Variants in MARCHF5 observed in about 807,000 individuals in gnomAD.
MARCHF5 encodes membrane associated ring-CH-type finger 5.
Under a neutral mutation model 36.5 loss-of-function variants are expected in MARCHF5, and 5 were observed. The observed-to-expected ratio is 0.14, with a 90% CI of 0.07 to 0.29. The LOEUF is 0.29. Ranked by LOEUF, MARCHF5 falls within the 10% of genes least tolerant of loss-of-function variation. MARCHF5 has a pLI of 1.00. For missense variants in MARCHF5, 179 were observed against 336.3 expected, an observed-to-expected ratio of 0.53 and a Z score of 3.66; for synonymous variants, 103 against 109.9, an observed-to-expected ratio of 0.94 and a Z score of 0.39.
At position 92,316,101 on chromosome 10, in the gene MARCHF5, G is replaced by A. The variant is rs75629772; in HGVS notation, c.238+4764G>A. On this transcript the variant is annotated intron_variant, in intron 2 of 5. Transcript: ENST00000358935. ...AAGAAGGAATAAAAGAAGATACAGA[G>A]AGGGAAAGGTGATGATGGTTAATAT... Among the ~76,000 whole-genome samples the A allele has an allele frequency of 1.2e-4, 19 of 152,312 alleles. No homozygotes were observed. In the East Asian group the frequency reaches 3.3e-3, roughly 26 times the overall value.
In MARCHF5 at chr10:92,344,940, C is replaced by T. The variant is rs190688839; in HGVS notation, c.369+4137C>T. ...ATTGTTATAAATTATTCCTAGTTTA[C>T]TGGTTTAGAGAGTTTACAGGTCCAG... On this transcript the variant is annotated intron_variant, in intron 3 of 5. Transcript: ENST00000358935. Among the ~76,000 whole-genome samples, 38 of 152,152 alleles carry T rather than the reference C, an allele frequency of 2.5e-4. No homozygotes were observed. The East Asian group carries it at 5.0e-3, about 20-fold the overall frequency.
At chr10:92,335,076 CT>C (rs1482932328) in intron 2 of MARCHF5, among the ~76,000 whole-genome samples, 8 of 152,074 alleles carry the variant, frequency 5.3e-5, no homozygotes, top group African/African-American at 1.7e-4. Flanking sequence ...TCAATAATAC[CT>C]TTTGAAAATA....
At chr10:92,325,046 AAT>A (rs1393490192) in intron 2 of MARCHF5, among the ~76,000 whole-genome samples, 1 of 152,230 alleles carries the variant, frequency 6.6e-6, no homozygotes, top group Admixed American at 6.5e-5. Context: ...TATTATTTAA[AAT>A]AGAGTGGTGA....
rs116730659 is a variant in MARCHF5, at chr10:92,312,718, T to A, written c.238+1381T>A. 1.1e-3 allele frequency among the ~76,000 whole-genome samples: 170 copies of A among 152,354 alleles called. 2 individuals are homozygous for A. The highest frequency in any genetic ancestry group is 4.0e-3 in the African/African-American group (166 of 41,588). The stretch of plus-strand genomic sequence containing the variant: ...GCAACAATTAAATATTTCTATTAGA[T>A]GTTTTAGATATTCAAATGGACACAA... On this transcript the variant is annotated intron_variant, in intron 2 of 5. Coordinates refer to ENST00000358935, the MANE Select transcript of MARCHF5 (RefSeq NM_017824.5).
chr10:92,299,870 C>G (rs758210427), intron 1 of MARCHF5, among the ~76,000 whole-genome samples: 1 of 152,042 alleles, frequency 6.6e-6, no homozygotes, highest in Non-Finnish European at 1.5e-5. Context: ...TTGCTCAAAA[C>G]TTGTATTTTC....
chr10:92,308,004 G>A (rs1172309180), intron 1 of MARCHF5, among the ~76,000 whole-genome samples: 1 of 150,118 alleles, frequency 6.7e-6, no homozygotes, highest in South Asian at 2.1e-4. Flanking sequence ...GCAGTGGCAC[G>A]ATCTCAGCTT....
At chr10:92,296,291 G>T (rs1012331151) in intron 1 of MARCHF5, among the ~76,000 whole-genome samples, 1 of 152,052 alleles carries the variant, frequency 6.6e-6, no homozygotes, top group African/African-American at 2.4e-5. Context: ...GTGGAAAGGG[G>T]GGTGATTTTT....
intron 2 of MARCHF5, among the ~76,000 whole-genome samples, chr10:92,327,606 T>G (rs1843380580): frequency 6.6e-6 from 1 of 152,238 alleles, no homozygotes; most frequent in African/African-American, 2.4e-5. Context: ...TTGTAGAGAT[T>G]ACACCCATTT....
At chr10:92,291,848 C>T (rs1217881100) in intron 1 of MARCHF5, among the ~76,000 whole-genome samples, 1 of 151,936 alleles carries the variant, frequency 6.6e-6, no homozygotes, top group Admixed American at 6.6e-5. Context: ...CTTCCCCCTC[C>T]CCAACTTGTG....
chr10:92,308,493 C>G (rs530086465), intron 1 of MARCHF5: 1 of 152,152 alleles, frequency 6.6e-6, no homozygotes, highest in Admixed American at 6.6e-5. Flanking sequence ...GGAATGCAGC[C>G]CAGTAGGTTT....
At chr10:92,341,093 T>C (rs1229560414) in intron 3 of MARCHF5, among the ~76,000 whole-genome samples, 1 of 152,222 alleles carries the variant, frequency 6.6e-6, no homozygotes, top group African/African-American at 2.4e-5. Context: ...CTCTTGTGGA[T>C]AGACGTTTAG....
chr10:92,305,331 T>C (rs921903098), intron 1 of MARCHF5, among the ~76,000 whole-genome samples: 3 of 151,744 alleles, frequency 2.0e-5, no homozygotes, highest in Non-Finnish European at 4.4e-5. Flanking sequence ...TGCTTGAACC[T>C]GGAAGGCAGA....
intron 3 of MARCHF5, among the ~76,000 whole-genome samples, chr10:92,347,486 A>AT (rs1843658623): frequency 1.4e-5 from 1 of 70,818 alleles, no homozygotes; most frequent in South Asian, 4.8e-4. Context: ...AGATAGATAG[A>AT]TAGATAGATA....
intron 5 of MARCHF5, 105 bp from the exon 6 acceptor site, chr10:92,350,986 T>C (rs566831733): frequency 1.5e-6 from 1 of 656,824 alleles, no homozygotes; most frequent in South Asian, 2.0e-5. Context: ...TCTGAATTAG[T>C]TTAGCATCAA....
intron 2 of MARCHF5, among the ~76,000 whole-genome samples, chr10:92,331,389 A>G (rs1843434260): frequency 6.6e-6 from 1 of 152,128 alleles, no homozygotes; most frequent in Middle Eastern, 3.2e-3. Context: ...CAAACAAAAC[A>G]AACAGCAATT....
chr10:92,320,900 A>G (rs1054479016), intron 2 of MARCHF5, among the ~76,000 whole-genome samples: 6 of 152,098 alleles, frequency 3.9e-5, no homozygotes, highest in Admixed American at 1.3e-4. Flanking sequence ...CATTCACTGA[A>G]TCACCCAGAG....
intron 1 of MARCHF5, among the ~76,000 whole-genome samples, chr10:92,308,066 G>A (rs1317560260): frequency 2.0e-5 from 3 of 150,704 alleles, no homozygotes; most frequent in South Asian, 2.1e-4. Context: ...TCAGCCTCCC[G>A]AGTAGCTGGG....
chr10:92,301,426 A>G (rs1051039463), intron 1 of MARCHF5, among the ~76,000 whole-genome samples: 17 of 152,212 alleles, frequency 1.1e-4, no homozygotes, highest in Admixed American at 3.3e-4. Flanking sequence ...CAGTGAAAAA[A>G]GCTGATGATT....
intron 1 of MARCHF5, 78 bp from the exon 2 acceptor site, chr10:92,311,057 A>G (rs376765903): frequency 9.7e-7 from 1 of 1,027,634 alleles, no homozygotes. Flanking sequence ...GGCTCATCCC[A>G]TTAAGTAAGA....
Sources: allele counts gnomAD v4.1 joint callset (sites outside exome capture counted in the v4.1 genomes callset), GRCh38; gene constraint gnomAD v4.1.1; transcripts MANE v1.5; gene names NCBI Gene and HGNC (gene_info 2026-07-23, HGNC 2026-07-21).